Variants in ANKS1B observed in about 807,000 individuals in gnomAD.
ANKS1B encodes the protein ankyrin repeat and sterile alpha motif domain containing 1B.
In ANKS1B, 36 loss-of-function variants were observed where a neutral mutation model predicts 148.3. That is an observed-to-expected ratio of 0.24 (90% CI 0.19 to 0.32). The LOEUF is 0.32. Ranked by LOEUF, ANKS1B falls within the 10% of genes least tolerant of loss-of-function variation. The pLI is 1.00. For missense variants in ANKS1B, 1,157 were observed against 1,542.6 expected (o/e 0.75, Z 4.19); for synonymous variants, 542 against 560.8 (o/e 0.97, Z 0.47).
intron 12 of ANKS1B, among the ~76,000 whole-genome samples, chr12:99,331,607 G>T (rs886972855): frequency 6.6e-6 from 1 of 151,936 alleles, no homozygotes; most frequent in Admixed American, 6.6e-5. Flanking sequence ...TGTACTTATC[G>T]ATCACAGCAT....
chr12:99,062,047 G>C (rs777722832), intron 16 of ANKS1B, among the ~76,000 whole-genome samples: 10 of 152,180 alleles, frequency 6.6e-5, no homozygotes, highest in African/African-American at 9.7e-5. Context: ...TGAGACATGA[G>C]AAATTTAAGA....
intron 4 of ANKS1B, among the ~76,000 whole-genome samples, chr12:99,796,823 C>T (rs1002499650): frequency 6.6e-6 from 1 of 151,708 alleles, no homozygotes; most frequent in South Asian, 2.1e-4. Context: ...CATGTATATC[C>T]TTTACATTAT....
intron 1 of ANKS1B, among the ~76,000 whole-genome samples, chr12:99,914,418 A>G (rs558016389): frequency 6.6e-6 from 1 of 152,352 alleles, no homozygotes; most frequent in Admixed American, 6.5e-5. Flanking sequence ...GACATGTGGT[A>G]ATCAAAACAA....
intron 1 of ANKS1B, among the ~76,000 whole-genome samples, chr12:99,928,216 A>T (rs934613036): frequency 6.6e-6 from 1 of 152,092 alleles, no homozygotes; most frequent in East Asian, 1.9e-4. Flanking sequence ...AATCTTCAGT[A>T]CCCAAATTCA....
intron 14 of ANKS1B, among the ~76,000 whole-genome samples, chr12:99,158,258 G>C (rs537384146): frequency 6.6e-6 from 1 of 152,192 alleles, no homozygotes; most frequent in South Asian, 2.1e-4. Flanking sequence ...AATTCTTAAA[G>C]CATAACAACA....
chr12:99,332,191 A>G (rs1324584889), intron 12 of ANKS1B, among the ~76,000 whole-genome samples: 1 of 152,032 alleles, frequency 6.6e-6, no homozygotes, highest in African/African-American at 2.4e-5. Flanking sequence ...GTGCAGAATT[A>G]TGGCTCCACT....
At position 98,744,775 on chromosome 12, in the gene ANKS1B, C is replaced by G. The variant is rs1274154983; in HGVS notation, c.*964G>C. 3 of 982,784 alleles carry G rather than the reference C, an allele frequency of 3.1e-6. No individual in the cohort carries two copies. The African/African-American group carries it at 5.3e-5, about 17-fold the overall frequency. 60.9% of individuals were successfully genotyped at this position (982,784 alleles called of 1,614,324 possible). A position where few individuals can be genotyped will look rare whatever the true frequency, so the allele number is the denominator to read the frequency against. On this transcript the variant is annotated 3_prime_UTR_variant, in exon 27 of 27. Coordinates refer to ENST00000683438, the MANE Select transcript of ANKS1B (RefSeq NM_001352186.2). ...CAAACAAGGTTTCCATGACAGAAAT[C>G]TTGACAGCAGGAGCACTAGATTTTT...
At chr12:98,794,176 G>T (rs1442896784) in intron 22 of ANKS1B, among the ~76,000 whole-genome samples, 3 of 152,004 alleles carry the variant, frequency 2.0e-5, no homozygotes, top group African/African-American at 7.2e-5. Context: ...TGGATTACTT[G>T]AGGCCAGGAG....
chr12:99,858,752 T>C (rs1375853968), intron 1 of ANKS1B, among the ~76,000 whole-genome samples: 1 of 152,166 alleles, frequency 6.6e-6, no homozygotes, highest in Non-Finnish European at 1.5e-5. Flanking sequence ...TGGAGACCAT[T>C]ATTTTAAGTG....
At chr12:99,562,595 A>G (rs959248374) in intron 9 of ANKS1B, among the ~76,000 whole-genome samples, 2 of 152,256 alleles carry the variant, frequency 1.3e-5, no homozygotes, top group African/African-American at 4.8e-5. Context: ...GAGAGACCTC[A>G]GGAAACTTAC....
chr12:98,744,813 T>C lies in ANKS1B; in HGVS notation c.*926A>G, dbSNP rs2097847296. ...GCACTAGATTTTTTTTTTTTTAACA[T>C]GTTCTTTAAAACACTGTGAAGATTA... On this transcript the variant is annotated 3_prime_UTR_variant, in exon 27 of 27. Coordinates refer to ENST00000683438, the MANE Select transcript of ANKS1B (RefSeq NM_001352186.2). 2.0e-6 allele frequency: 2 copies of C among 978,942 alleles called. No individual in the cohort carries two copies. The highest frequency in any genetic ancestry group is 9.4e-5 in the South Asian group (2 of 21,212). The allele number at this position is 978,942 out of a possible 1,614,324, so 60.6% of individuals were successfully genotyped here.
chr12:99,808,894 A>G lies in ANKS1B; in HGVS notation c.373-2194T>C, dbSNP rs561615164. On this transcript the variant is annotated intron_variant, in intron 3 of 26. Transcript: ENST00000683438. ...GAAAAATTTTCTAGTAACACCAATT[A>G]GCACTGTTCAGATCTCAAGGGAAAA... Among the ~76,000 whole-genome samples the G allele has an allele frequency of 1.4e-4, 22 of 152,268 alleles. No homozygotes were observed. In the South Asian group the frequency reaches 4.3e-3, roughly 30 times the overall value.
chr12:99,581,810 C>G (rs1001169228), intron 9 of ANKS1B, among the ~76,000 whole-genome samples: 21 of 149,732 alleles, frequency 1.4e-4, no homozygotes, highest in African/African-American at 4.2e-4. Flanking sequence ...AGAATGGCGT[C>G]AACCCGGGAA....
At chr12:99,532,970 A>C (rs1178549221) in intron 9 of ANKS1B, among the ~76,000 whole-genome samples, 7 of 151,962 alleles carry the variant, frequency 4.6e-5, no homozygotes, top group Non-Finnish European at 1.0e-4. Flanking sequence ...ATGCATCTAG[A>C]TTTGTTCTTT....
intron 23 of ANKS1B, 111 bp from the exon 24 acceptor site, chr12:98,781,314 A>C (rs1245588934): frequency 1.1e-5 from 2 of 182,026 alleles, no homozygotes; most frequent in Non-Finnish European, 2.0e-5. Context: ...AACAACAACA[A>C]CACACACACA....
At chr12:98,793,265 T>C (rs2098906620) in intron 22 of ANKS1B, among the ~76,000 whole-genome samples, 1 of 152,232 alleles carries the variant, frequency 6.6e-6, no homozygotes, top group East Asian at 1.9e-4. Context: ...TTTCATATAC[T>C]TTTTGGCCAT....
At chr12:98,871,244 A>T (rs917737374) in intron 17 of ANKS1B, among the ~76,000 whole-genome samples, 3 of 152,204 alleles carry the variant, frequency 2.0e-5, no homozygotes, top group African/African-American at 7.2e-5. Flanking sequence ...CTTTCTGCTC[A>T]CATAAATACT....
chr12:99,613,683 C>T (rs61942129), intron 9 of ANKS1B, among the ~76,000 whole-genome samples: 2,940 of 152,006 alleles, frequency 0.019, 66 homozygotes, highest in Non-Finnish European at 0.032. Flanking sequence ...AGGAGAACAA[C>T]GCACACTGGG....
intron 17 of ANKS1B, among the ~76,000 whole-genome samples, chr12:98,838,896 C>A (rs2099390188): frequency 6.6e-6 from 1 of 152,096 alleles, no homozygotes; most frequent in African/African-American, 2.4e-5. Flanking sequence ...CAAAGTTTTC[C>A]CCCCTGCCTG....
Sources: allele counts gnomAD v4.1 joint callset (sites outside exome capture counted in the v4.1 genomes callset), GRCh38; gene constraint gnomAD v4.1.1; transcripts MANE v1.5; gene names NCBI Gene and HGNC (gene_info 2026-07-23, HGNC 2026-07-21).